Variants in TECRL observed in about 807,000 individuals in gnomAD.
TECRL encodes the protein trans-2,3-enoyl-CoA reductase like.
Under a neutral mutation model 52.8 loss-of-function variants are expected in TECRL, and 63 were observed. That is an observed-to-expected ratio of 1.19 (90% CI 0.97 to 1.47). The LOEUF is 1.47. TECRL is among the 40% of genes most tolerant of loss of function. The pLI is 0.00. For synonymous variants in TECRL, 164 were observed against 141.9 expected, an observed-to-expected ratio of 1.16 and a Z score of -1.10; for missense variants, 482 against 429.6, an observed-to-expected ratio of 1.12 and a Z score of -1.08.
chr4:64,390,575 G>A (rs1259865664), intron 1 of TECRL, among the ~76,000 whole-genome samples: 1 of 151,818 alleles, frequency 6.6e-6, no homozygotes, highest in East Asian at 1.9e-4. Flanking sequence ...TCCACATTGA[G>A]CATGTCATAT....
chr4:64,280,149 T>C lies in TECRL; in HGVS notation c.1015A>G (p.Lys339Glu). 6.2e-7 allele frequency: 1 copy of C among 1,603,326 alleles called. No homozygotes were observed. The highest frequency in any genetic ancestry group is 8.5e-7 in the Non-Finnish European group (1 of 1,175,390). Reference sequence around the variant, plus strand: ...TTTCTCAGATAAATCTTATGTTTCTTTTGTGCCCACAAAGACATCTGGATA... The same window carrying C: ...TTTCTCAGATAAATCTTATGTTTCTCTTGTGCCCACAAAGACATCTGGATA... ...MSIQMSLWAQ[K>E]KHKIYLRKFN... The change falls in exon 12 of 12, where the codon AAG becomes GAG. Residue 339 changes from lysine (K) to glutamate (E), a missense_variant. By Grantham distance (56) the Lys-to-Glu change is moderately conservative. Transcript: ENST00000381210.
At chr4:64,374,052 C>CATATATATATATATAGTAGATATAT (rs1560538656) in intron 2 of TECRL, among the ~76,000 whole-genome samples, 1 of 106,014 alleles carries the variant, frequency 9.4e-6, no homozygotes, top group Non-Finnish European at 1.8e-5. Context: ...ATAGTAGATA[C>CATATATATATATATAGTAGATATAT]ATATATATAT....
chr4:64,356,350 A>G (rs953413228), intron 2 of TECRL, among the ~76,000 whole-genome samples: 7 of 152,214 alleles, frequency 4.6e-5, no homozygotes, highest in Admixed American at 4.6e-4. Context: ...TGCAGTTGAG[A>G]TAGAGGAAGG....
chr4:64,374,079 A>ATATATT (rs1343885987), intron 2 of TECRL, among the ~76,000 whole-genome samples: 50 of 96,716 alleles, frequency 5.2e-4, no homozygotes, highest in Middle Eastern at 7.4e-3. Context: ...ATATATATAT[A>ATATATT]TATTTATCTT....
In TECRL at chr4:64,400,309, C is replaced by T. The variant is rs1441779115; in HGVS notation, c.234+8809G>A. ...GGGAGTGTTTACTCAATGCTTGTAC[C>T]TCCATTGTATCTTGCATGTAACTAA... On this transcript the variant is annotated intron_variant, in intron 1 of 11. Transcript: ENST00000381210. Among the ~76,000 whole-genome samples the T allele has an allele frequency of 4.6e-5, 7 of 152,118 alleles. 1 individual carries two copies. Among genetic ancestry groups the T allele is most frequent in the Admixed American group, 3.9e-4 (6 of 15,260 alleles).
chr4:64,343,218 G>T (rs1437041231), intron 2 of TECRL, among the ~76,000 whole-genome samples: 1 of 152,216 alleles, frequency 6.6e-6, no homozygotes, highest in South Asian at 2.1e-4. Flanking sequence ...AGCTTGGTAA[G>T]AAATAGATAT....
intron 2 of TECRL, among the ~76,000 whole-genome samples, chr4:64,363,381 ACATAAAGTTAATTTACTTAG>A (rs1469878412): frequency 6.6e-6 from 1 of 152,146 alleles, no homozygotes; most frequent in Non-Finnish European, 1.5e-5. Flanking sequence ...TGGCACTTCA[ACATAAAGTTAATTTACTTAG>A]CATAAATTTA....
Position 64,305,135 on chromosome 4 carries a change from A to G in TECRL, c.730+31T>C, listed in dbSNP as rs368532708. ...AGAGTTTTTAGGTTGGTCCTTTAGT[A>G]TACGGTTAGTTAAGAAGAAACCCTA... On this transcript the variant is annotated intron_variant, in intron 7 of 11. Coordinates refer to ENST00000381210, the MANE Select transcript of TECRL (RefSeq NM_001010874.5). 12 of 1,543,226 alleles carry G rather than the reference A, an allele frequency of 7.8e-6. No homozygotes were observed. In the African/African-American group the frequency reaches 1.4e-4, roughly 18 times the overall value.
chr4:64,396,392 T>A lies in TECRL; in HGVS notation c.234+12726A>T, dbSNP rs117795147. Among the ~76,000 whole-genome samples, 16 of 152,322 alleles carry A rather than the reference T, an allele frequency of 1.1e-4. No homozygotes were observed. The East Asian group carries it at 1.9e-3, about 18-fold the overall frequency. ...ATTAATGTGTGATGGTTTCTCATTG[T>A]GGATTTGATTAGCATTTCTCTAATG... On this transcript the variant is annotated intron_variant, in intron 1 of 11. Transcript: ENST00000381210.
intron 9 of TECRL, among the ~76,000 whole-genome samples, chr4:64,283,931 C>G (rs1478473866): frequency 1.3e-5 from 2 of 152,028 alleles, no homozygotes; most frequent in Non-Finnish European, 2.9e-5. Flanking sequence ...ATCTTTTCTT[C>G]TAGCCACTAC....
chr4:64,279,791 T>G lies in TECRL; in HGVS notation c.*281A>C. ...GCTGTGGTATTTTGTCTTATGCAAA[T>G]AGTATTGTGAAGTATTAATGAAGTA... On this transcript the variant is annotated 3_prime_UTR_variant, in exon 12 of 12. Transcript: ENST00000381210. 4 of 1,001,276 alleles carry G rather than the reference T, an allele frequency of 4.0e-6. No homozygotes were observed. The highest frequency in any genetic ancestry group is 4.8e-6 in the Non-Finnish European group (4 of 840,724). The allele number at this position is 1,001,276 out of a possible 1,614,324, so 62.0% of individuals were successfully genotyped here.
intron 2 of TECRL, among the ~76,000 whole-genome samples, chr4:64,357,912 C>T (rs1391443829): frequency 2.0e-5 from 3 of 151,262 alleles, no homozygotes; most frequent in Non-Finnish European, 4.4e-5. Flanking sequence ...TGAAAGCATC[C>T]AAATGAAGAA....
At chr4:64,334,826 G>A (rs1225608922) in intron 2 of TECRL, among the ~76,000 whole-genome samples, 2 of 152,200 alleles carry the variant, frequency 1.3e-5, no homozygotes, top group Non-Finnish European at 2.9e-5. Flanking sequence ...CAGGAAGACA[G>A]ATTGCAACCA....
chr4:64,355,684 C>A lies in TECRL; in HGVS notation c.286+19488G>T, dbSNP rs1720716908. ...GGGCATGGTGTCAGGCACCTGTAGTCCCAGCTACTTGGGAGGCTGAGAATG... is the reference window on the plus strand; with the variant it reads ...GGGCATGGTGTCAGGCACCTGTAGTACCAGCTACTTGGGAGGCTGAGAATG... On this transcript the variant is annotated intron_variant, in intron 2 of 11. Transcript: ENST00000381210. Among the ~76,000 whole-genome samples, 4 of 151,344 alleles carry A rather than the reference C, an allele frequency of 2.6e-5. No individual in the cohort carries two copies. In the South Asian group the frequency reaches 8.3e-4, roughly 32 times the overall value.
chr4:64,325,850 T>A (rs900522), intron 3 of TECRL, among the ~76,000 whole-genome samples: 32,007 of 152,004 alleles, frequency 0.21, 3,531 homozygotes, highest in East Asian at 0.3. Flanking sequence ...CCCATGAATA[T>A]GAGATTTTGA....
chr4:64,327,276 C>T (rs1374801084), intron 3 of TECRL, among the ~76,000 whole-genome samples: 1 of 151,940 alleles, frequency 6.6e-6, no homozygotes. Context: ...CACACCCCAT[C>T]CTGGTACACT....
chr4:64,401,626 T>C (rs925446539), intron 1 of TECRL, among the ~76,000 whole-genome samples: 49 of 152,206 alleles, frequency 3.2e-4, no homozygotes, highest in African/African-American at 1.1e-3. Flanking sequence ...ATTAAATTCA[T>C]GCATTTTAAG....
chr4:64,390,617 TATTG>T (rs1000778398), intron 1 of TECRL, among the ~76,000 whole-genome samples: 1 of 151,836 alleles, frequency 6.6e-6, no homozygotes, highest in African/African-American at 2.4e-5. Context: ...TATTGTACAT[TATTG>T]ATTATTTGGA....
intron 1 of TECRL, among the ~76,000 whole-genome samples, chr4:64,408,062 G>A (rs1724845303): frequency 6.6e-6 from 1 of 151,454 alleles, no homozygotes; most frequent in Non-Finnish European, 1.5e-5. Context: ...ACTAATAAAA[G>A]GTCTTAATCT....
Sources: allele counts gnomAD v4.1 joint callset (sites outside exome capture counted in the v4.1 genomes callset), GRCh38; gene constraint gnomAD v4.1.1; transcripts MANE v1.5; gene names NCBI Gene and HGNC (gene_info 2026-07-23, HGNC 2026-07-21).